The following ICE2 variants were observed in gnomAD, a reference collection of about 807,000 sequenced individuals.
ICE2 encodes little elongation complex subunit 2.
Under a neutral mutation model 105.4 loss-of-function variants are expected in ICE2, and 87 were observed. That is an observed-to-expected ratio of 0.83 (90% CI 0.69 to 0.99). ICE2 has a LOEUF of 0.99. Ranked by LOEUF, ICE2 falls within the 50% of genes least tolerant of loss-of-function variation. ICE2 has a pLI of 0.00. For synonymous variants in ICE2, 399 were observed against 392.0 expected (o/e 1.02, Z -0.21); for missense variants, 1,323 against 1,146.7 (o/e 1.15, Z -2.22).
chr15:60,446,521 A>T (rs1299782241), intron 11 of ICE2, among the ~76,000 whole-genome samples: 1 of 152,034 alleles, frequency 6.6e-6, no homozygotes, highest in Non-Finnish European at 1.5e-5. Flanking sequence ...TCAGCCTCCC[A>T]CGTAGCTGGG....
In ICE2 at chr15:60,455,431, T is replaced by A. The variant is rs761612730; in HGVS notation, c.678A>T (p.Lys226Asn). ...TTGAGGGAAATACTGTTTTCACATA[T>A]TTTACACTGCCCTAAATATGAAAAA... is the stretch of plus-strand genomic sequence containing the variant. ...EKTLLALGSV[K>N]YVKTVFPSMP... The change falls in exon 7 of 16, where the codon AAA becomes AAT. Residue 226 changes from lysine to asparagine, a missense_variant. Transcript: ENST00000261520. The A allele has an allele frequency of 1.3e-5, 21 of 1,606,970 alleles. No homozygotes were observed. The Admixed American group carries it at 3.2e-4, about 24-fold the overall frequency.
At position 60,456,669 on chromosome 15, in the gene ICE2, AG is replaced by A. The variant is rs762774417; in HGVS notation, c.653del (p.Thr218IlefsTer8). The A allele has an allele frequency of 2.5e-6, 4 of 1,586,710 alleles. No individual in the cohort carries two copies. Among genetic ancestry groups the A allele is most frequent in the Non-Finnish European group, 3.4e-6 (4 of 1,168,958 alleles). On this transcript the variant is annotated frameshift_variant, in exon 6 of 16. Transcript: ENST00000261520. LOFTEE classifies it high-confidence loss of function. ...TAATAAACCTTACCAATGCGAGAAG[AG>A]TTTTTTCTAACTTTAATCCCATCTC... ...RVEMGLKLEK[T>X]LLALGSVKYV...
At chr15:60,439,872 A>G (rs1464330885) in intron 12 of ICE2, 5 of 152,238 alleles carry the variant, frequency 3.3e-5, no homozygotes, top group Non-Finnish European at 7.3e-5. Flanking sequence ...CAGCAAATCT[A>G]GAGTCACTGG....
intron 5 of ICE2, 139 bp from the exon 6 acceptor site, chr15:60,456,933 T>C (rs887271191): frequency 5.7e-6 from 2 of 353,202 alleles, no homozygotes; most frequent in Admixed American, 4.7e-5. Flanking sequence ...AATACACACA[T>C]TGTATATTCT....
chr15:60,460,699 C>T (rs753422130), intron 5 of ICE2, among the ~76,000 whole-genome samples: 22 of 152,140 alleles, frequency 1.4e-4, no homozygotes, highest in Non-Finnish European at 2.4e-4. Context: ...CCACTAGACG[C>T]CATCAGCACC....
Position 60,456,690 on chromosome 15 carries a change from C to T in ICE2, c.633G>A (p.Met211Ile), listed in dbSNP as rs2064135946. Reference protein sequence around the residue: ...LMGFFPFRVEMGLKLEKTLLA... With the variant: ...LMGFFPFRVEIGLKLEKTLLA... The stretch of plus-strand genomic sequence containing the variant: ...GAAGAGTTTTTTCTAACTTTAATCC[C>T]ATCTCTACTCTGAATGGGAAGAATC... The change falls in exon 6 of 16, where the codon ATG becomes ATA. Residue 211 changes from methionine (M) to isoleucine (I), a missense_variant. Physicochemically the swap from Met to Ile is conservative, Grantham distance 10. Transcript: ENST00000261520. The T allele has an allele frequency of 8.8e-6, 14 of 1,594,142 alleles. No homozygotes were observed. In the East Asian group the frequency reaches 2.5e-4, roughly 28 times the overall value.
intron 15 of ICE2, among the ~76,000 whole-genome samples, chr15:60,427,113 C>T (rs1242402476): frequency 6.6e-6 from 1 of 152,188 alleles, no homozygotes; most frequent in Non-Finnish European, 1.5e-5. Context: ...CAAACAGTAA[C>T]TTAGAGTGGA....
At chr15:60,465,319 G>A (rs183564343) in intron 5 of ICE2, among the ~76,000 whole-genome samples, 78 of 152,168 alleles carry the variant, frequency 5.1e-4, no homozygotes, top group African/African-American at 1.9e-3. Context: ...AGCCTCCCAA[G>A]TAGCTGTGAC....
intron 11 of ICE2, among the ~76,000 whole-genome samples, chr15:60,447,124 A>C (rs2063839275): frequency 6.6e-6 from 1 of 152,190 alleles, no homozygotes; most frequent in African/African-American, 2.4e-5. Context: ...AAATATTTAT[A>C]TCAAACCCAA....
chr15:60,476,135 A>C lies in ICE2; in HGVS notation c.74T>G (p.Phe25Cys). 6.2e-7 allele frequency: 1 copy of C among 1,605,780 alleles called. No homozygotes were observed. Among genetic ancestry groups the C allele is most frequent in the Non-Finnish European group, 8.5e-7 (1 of 1,177,340 alleles). The change falls in exon 3 of 16, where the codon TTT becomes TGT. Residue 25 changes from phenylalanine to cysteine, a missense_variant. Transcript: ENST00000261520. ...DISPKNGLKT[F>C]FSRENYKDHS... ...ATCTTTATAATTTTCTCGAGAGAAA[A>C]ATGTCTTAAGGCCATTTTTGGGGGA...
intron 2 of ICE2, among the ~76,000 whole-genome samples, chr15:60,476,712 A>G (rs1006905966): frequency 1.3e-5 from 2 of 152,256 alleles, no homozygotes; most frequent in Admixed American, 6.5e-5. Context: ...ACCATAATTA[A>G]TTTAGAGACT....
intron 4 of ICE2, among the ~76,000 whole-genome samples, chr15:60,467,214 C>T (rs1037479509): frequency 1.3e-5 from 2 of 152,174 alleles, no homozygotes; most frequent in African/African-American, 4.8e-5. Context: ...CTACCTGCCT[C>T]AGCCTCCCAA....
chr15:60,428,793 C>T (rs569331188), intron 14 of ICE2, 106 bp from the exon 15 acceptor site: 3 of 1,113,506 alleles, frequency 2.7e-6, no homozygotes, highest in African/African-American at 1.6e-5. Context: ...GAGAAGATCA[C>T]ACCACCTCTA....
chr15:60,473,171 G>A (rs2064655055), intron 3 of ICE2, among the ~76,000 whole-genome samples: 1 of 151,974 alleles, frequency 6.6e-6, no homozygotes, highest in Non-Finnish European at 1.5e-5. Flanking sequence ...TTGAACTCCT[G>A]GCCTCAAGTG....
chr15:60,464,612 G>A (rs1001792619), intron 5 of ICE2, among the ~76,000 whole-genome samples: 10 of 151,726 alleles, frequency 6.6e-5, no homozygotes, highest in African/African-American at 2.4e-4. Flanking sequence ...TTGCAGTATT[G>A]AAGAAATGTA....
chr15:60,447,174 CTTCTA>C (rs1411272135), intron 11 of ICE2, among the ~76,000 whole-genome samples: 2 of 152,106 alleles, frequency 1.3e-5, no homozygotes, highest in Non-Finnish European at 2.9e-5. Context: ...GAGATTTGGT[CTTCTA>C]ACAGTCCTGA....
intron 13 of ICE2, among the ~76,000 whole-genome samples, chr15:60,435,059 G>C (rs2063552698): frequency 6.6e-6 from 1 of 152,054 alleles, no homozygotes; most frequent in Non-Finnish European, 1.5e-5. Flanking sequence ...GAGGCGGGTG[G>C]ATCACGAGGT....
At chr15:60,461,023 C>T (rs1054100575) in intron 5 of ICE2, among the ~76,000 whole-genome samples, 2 of 151,618 alleles carry the variant, frequency 1.3e-5, no homozygotes, top group African/African-American at 4.9e-5. Flanking sequence ...GCATCCTTGG[C>T]CTCTACGCAG....
At chr15:60,449,892 C>T in intron 9 of ICE2, 51 bp from the exon 10 acceptor site, 1 of 1,351,514 alleles carries the variant, frequency 7.4e-7, no homozygotes, top group Middle Eastern at 1.8e-4. Context: ...AGCCACCCTA[C>T]CTATCTCTTA....
Sources: allele counts gnomAD v4.1 joint callset (sites outside exome capture counted in the v4.1 genomes callset), GRCh38; gene constraint gnomAD v4.1.1; transcripts MANE v1.5; gene names NCBI Gene and HGNC (gene_info 2026-07-23, HGNC 2026-07-21).